FMNL2: variants seen among roughly 807,000 people sequenced by gnomAD.
FMNL2 encodes the protein formin-like protein 2.
In FMNL2, 51 loss-of-function variants were observed where a neutral mutation model predicts 130.2. That is an observed-to-expected ratio of 0.39 (90% CI 0.31 to 0.49). FMNL2 has a LOEUF of 0.49. FMNL2 is among the 20% of genes least tolerant of loss of function. FMNL2 has a pLI of 0.85. For missense variants in FMNL2, 977 were observed against 1,316.2 expected (o/e 0.74, Z 3.99); for synonymous variants, 465 against 467.1 (o/e 1.00, Z 0.06).
chr2:152,524,532 TTA>T (rs1481642325), intron 2 of FMNL2, among the ~76,000 whole-genome samples: 1 of 152,108 alleles, frequency 6.6e-6, no homozygotes, highest in Admixed American at 6.6e-5. Flanking sequence ...CATGAAGACA[TTA>T]TTAATTTAAG....
chr2:152,355,609 A>G (rs555539170), intron 1 of FMNL2, among the ~76,000 whole-genome samples: 1 of 152,356 alleles, frequency 6.6e-6, no homozygotes, highest in African/African-American at 2.4e-5. Context: ...GGGTGCATCT[A>G]GAAATGAAAA....
At chr2:152,351,719 A>G (rs534720693) in intron 1 of FMNL2, among the ~76,000 whole-genome samples, 285 of 152,274 alleles carry the variant, frequency 1.9e-3, no homozygotes, top group Non-Finnish European at 3.2e-3. Flanking sequence ...ATATACCCAT[A>G]ATGGGATTGC....
At chr2:152,509,948 T>C (rs1489417637) in intron 1 of FMNL2, among the ~76,000 whole-genome samples, 2 of 151,908 alleles carry the variant, frequency 1.3e-5, no homozygotes, top group African/African-American at 2.4e-5. Context: ...GGGATCTCAC[T>C]ATGTTGCCCA....
intron 21 of FMNL2, among the ~76,000 whole-genome samples, chr2:152,635,337 C>T (rs1260531566): frequency 6.6e-6 from 1 of 152,152 alleles, no homozygotes; most frequent in Non-Finnish European, 1.5e-5. Flanking sequence ...GCAAAACTTC[C>T]TGAACCACCA....
Position 152,549,804 on chromosome 2 carries a change from T to C in FMNL2, c.359+707T>C, listed in dbSNP as rs181242812. Among the ~76,000 whole-genome samples the C allele has an allele frequency of 2.4e-4, 36 of 152,336 alleles. No individual in the cohort carries two copies. In the East Asian group the frequency reaches 6.4e-3, roughly 27 times the overall value. On this transcript the variant is annotated intron_variant, in intron 4 of 25. Transcript: ENST00000288670. ...GGCTTCTCTCTAAGGTAGAATGATA[T>C]CAGGTATCCTATTTTGTAGCCCTCC... is the stretch of plus-strand genomic sequence containing the variant.
Position 152,403,570 on chromosome 2 carries a change from T to A in FMNL2, c.117+67850T>A, listed in dbSNP as rs540980925. Among the ~76,000 whole-genome samples, 17 of 152,212 alleles carry A rather than the reference T, an allele frequency of 1.1e-4. No homozygotes were observed. In the East Asian group the frequency reaches 3.3e-3, roughly 29 times the overall value. On this transcript the variant is annotated intron_variant, in intron 1 of 25. Transcript: ENST00000288670. The stretch of plus-strand genomic sequence containing the variant: ...TTGGCATACACTCATTTTTTTTTTT[T>A]AAGTACTTCCTTTCTGGCACTACAG...
chr2:152,579,963 T>G (rs1161863859), intron 8 of FMNL2, among the ~76,000 whole-genome samples: 1 of 152,224 alleles, frequency 6.6e-6, no homozygotes, highest in Non-Finnish European at 1.5e-5. Context: ...TGTTTATAAA[T>G]TAGCCATTTC....
chr2:152,649,663 CTATT>C lies in FMNL2; in HGVS notation c.*1763_*1766del, dbSNP rs202078152. The C allele has an allele frequency of 8.5e-5, 13 of 152,672 alleles. No homozygotes were observed. Among genetic ancestry groups the C allele is most frequent in the South Asian group, 4.1e-4 (2 of 4,832 alleles). 9.5% of individuals were successfully genotyped at this position (152,672 alleles called of 1,614,324 possible). On this transcript the variant is annotated 3_prime_UTR_variant, in exon 26 of 26. Transcript: ENST00000288670. ...CATATATGTATATTAAAATAATTGCCTATTTATTAATCTACAAATAGACAACGTT... is the reference window on the plus strand; with the variant it reads ...CATATATGTATATTAAAATAATTGCCTATTAATCTACAAATAGACAACGTT...
intron 15 of FMNL2, among the ~76,000 whole-genome samples, chr2:152,624,113 CCCTT>C: frequency 8.8e-6 from 1 of 113,444 alleles, no homozygotes; most frequent in African/African-American, 3.4e-5. Context: ...CCCTTCCCTT[CCCTT>C]CCTTCCCATC....
chr2:152,403,306 G>A (rs972088687), intron 1 of FMNL2, among the ~76,000 whole-genome samples: 1 of 151,940 alleles, frequency 6.6e-6, no homozygotes, highest in Non-Finnish European at 1.5e-5. Context: ...ACGTCACTGT[G>A]TACAGCGTAC....
chr2:152,343,971 T>C (rs1348457159), intron 1 of FMNL2, among the ~76,000 whole-genome samples: 4 of 151,976 alleles, frequency 2.6e-5, no homozygotes, highest in African/African-American at 7.3e-5. Context: ...TGGAGCAACA[T>C]AGGGAGACCT....
rs562092912 is a variant in FMNL2 at position 152,596,308 on chromosome 2, A to G, written c.877-11031A>G. Among the ~76,000 whole-genome samples, 32 of 152,180 alleles carry G rather than the reference A, an allele frequency of 2.1e-4. 1 individual carries two copies. In the East Asian group the frequency reaches 6.0e-3, roughly 28 times the overall value. ...AAAATGGTGGAGGGCTCCTTTCTAT[A>G]TGAAGACACTATTGGTCTCTGTGTG... On this transcript the variant is annotated intron_variant, in intron 9 of 25. Transcript: ENST00000288670.
At chr2:152,544,668 C>A (rs1324071465) in intron 3 of FMNL2, among the ~76,000 whole-genome samples, 1 of 152,152 alleles carries the variant, frequency 6.6e-6, no homozygotes, top group Non-Finnish European at 1.5e-5. Flanking sequence ...TGAGACCTTT[C>A]CTCATGCAGA....
chr2:152,554,588 A>T (rs1272616313), intron 4 of FMNL2, among the ~76,000 whole-genome samples: 1 of 152,222 alleles, frequency 6.6e-6, no homozygotes, highest in Non-Finnish European at 1.5e-5. Context: ...ATTTGTTAAT[A>T]ACCACCAGTC....
At chr2:152,478,741 A>C (rs965201909) in intron 1 of FMNL2, among the ~76,000 whole-genome samples, 3 of 152,136 alleles carry the variant, frequency 2.0e-5, no homozygotes, top group African/African-American at 7.2e-5. Flanking sequence ...ATGAGAGCTA[A>C]ATTTCAGGAA....
intron 15 of FMNL2, among the ~76,000 whole-genome samples, chr2:152,624,773 G>T (rs1245332690): frequency 2.0e-5 from 3 of 152,182 alleles, no homozygotes; most frequent in African/African-American, 7.2e-5. Flanking sequence ...GGAGGTCAAG[G>T]CTGCAGCGAG....
intron 1 of FMNL2, among the ~76,000 whole-genome samples, chr2:152,381,110 A>G (rs186468965): frequency 6.6e-6 from 1 of 152,290 alleles, no homozygotes; most frequent in Admixed American, 6.5e-5. Flanking sequence ...ACCAAATTTC[A>G]TGAAAGGATA....
rs140052909 is a variant in FMNL2, at chr2:152,414,762, C to T, written c.117+79042C>T. On this transcript the variant is annotated intron_variant, in intron 1 of 25. Transcript: ENST00000288670. ...AACTCTGCACCTTCTACCAGTCCTT[C>T]CTAGCTGTTTCTTTTGGATGAAGAT... Among the ~76,000 whole-genome samples, 381 of 152,300 alleles carry T rather than the reference C, an allele frequency of 2.5e-3. 1 individual carries two copies. Among genetic ancestry groups the T allele is most frequent in the South Asian group, 7.3e-3 (35 of 4,826 alleles).
At chr2:152,438,538 A>T (rs879879130) in intron 1 of FMNL2, among the ~76,000 whole-genome samples, 32 of 152,014 alleles carry the variant, frequency 2.1e-4, no homozygotes, top group Non-Finnish European at 4.3e-4. Context: ...TGGTTTTTTT[A>T]TTTTTTATTT....
Sources: allele counts gnomAD v4.1 joint callset (sites outside exome capture counted in the v4.1 genomes callset), GRCh38; gene constraint gnomAD v4.1.1; transcripts MANE v1.5; gene names NCBI Gene and HGNC (gene_info 2026-07-23, HGNC 2026-07-21).